LARS2: variants seen among roughly 807,000 people sequenced by gnomAD.
The protein encoded by LARS2 is leucine--tRNA ligase, mitochondrial.
A neutral mutation model predicts 116.6 loss-of-function variants in LARS2; 81 were observed. That is an observed-to-expected ratio of 0.69 (90% CI 0.58 to 0.84). The LOEUF (loss-of-function observed/expected upper bound fraction) is 0.84, where lower values mean the gene tolerates loss of function less well. LARS2 is among the 40% of genes least tolerant of loss of function. LARS2 has a pLI of 0.00. For missense variants in LARS2, 968 were observed against 1,114.5 expected, an observed-to-expected ratio of 0.87 and a Z score of 1.87; for synonymous variants, 396 against 407.2, an observed-to-expected ratio of 0.97 and a Z score of 0.33.
intron 21 of LARS2, among the ~76,000 whole-genome samples, chr3:45,546,583 A>G (rs1444476602): frequency 1.3e-5 from 2 of 152,192 alleles, no homozygotes; most frequent in Non-Finnish European, 2.9e-5. Flanking sequence ...TTTTCCTAAG[A>G]CTGTGACTAT....
At chr3:45,471,734 T>G (rs1209013124) in intron 8 of LARS2, among the ~76,000 whole-genome samples, 1 of 152,222 alleles carries the variant, frequency 6.6e-6, no homozygotes, top group African/African-American at 2.4e-5. Context: ...GCCTCATTGG[T>G]CTTTGGAGAG....
intron 14 of LARS2, 128 bp from the exon 15 acceptor site, chr3:45,500,314 T>A (rs754006090): frequency 1.6e-5 from 16 of 1,013,756 alleles, no homozygotes; most frequent in Non-Finnish European, 2.3e-5. Flanking sequence ...CTCTTATATT[T>A]TAAAAAAATC....
chr3:45,540,795 T>C (rs1700783116), intron 20 of LARS2, among the ~76,000 whole-genome samples: 1 of 151,604 alleles, frequency 6.6e-6, no homozygotes, highest in Admixed American at 6.6e-5. Flanking sequence ...TATCTATCTA[T>C]CTATCTATGA....
intron 4 of LARS2, among the ~76,000 whole-genome samples, chr3:45,410,149 T>G (rs1698306154): frequency 6.6e-6 from 1 of 152,094 alleles, no homozygotes; most frequent in Admixed American, 6.5e-5. Context: ...TAATTAAGTT[T>G]CCCCCCTTTC....
chr3:45,484,630 A>AAAAAAAAT (rs1553634443), intron 10 of LARS2, among the ~76,000 whole-genome samples: 3 of 9,746 alleles, frequency 3.1e-4, no homozygotes, highest in African/African-American at 3.5e-4. Context: ...AAAAAAAAAA[A>AAAAAAAAT]ATATATATAT....
chr3:45,547,238 C>G (rs1700888840), intron 21 of LARS2, 113 bp from the exon 22 acceptor site: 3 of 963,512 alleles, frequency 3.1e-6, no homozygotes, highest in Admixed American at 2.7e-5. Flanking sequence ...ACCTCTATTC[C>G]TTTCCCCTAA....
At chr3:45,507,078 A>G (rs1299751737) in intron 15 of LARS2, 1 of 152,052 alleles carries the variant, frequency 6.6e-6, no homozygotes, top group Non-Finnish European at 1.5e-5. Flanking sequence ...TTATCACACT[A>G]TAAAATAATA....
At chr3:45,523,927 A>C in intron 19 of LARS2, 70 bp from the exon 20 acceptor site, 6 of 1,138,668 alleles carry the variant, frequency 5.3e-6, no homozygotes, top group Non-Finnish European at 8.0e-6. Context: ...CTTCAGATAC[A>C]TTAATGGTCT....
chr3:45,540,946 C>T (rs187247380), intron 20 of LARS2, among the ~76,000 whole-genome samples: 11 of 152,136 alleles, frequency 7.2e-5, no homozygotes, highest in East Asian at 1.9e-4. Context: ...CCACCATGTC[C>T]GGCTAATTTT....
chr3:45,393,136 T>G (rs1040921154), intron 2 of LARS2, among the ~76,000 whole-genome samples: 6 of 152,342 alleles, frequency 3.9e-5, no homozygotes, highest in African/African-American at 1.4e-4. Context: ...CACAACTGGA[T>G]ATCCTGGTAG....
intron 15 of LARS2, among the ~76,000 whole-genome samples, chr3:45,504,578 A>G (rs1030557462): frequency 6.6e-6 from 1 of 152,004 alleles, no homozygotes; most frequent in Non-Finnish European, 1.5e-5. Flanking sequence ...TACTCCTCAC[A>G]TAAACAAATT....
intron 15 of LARS2, chr3:45,507,086 A>G (rs1700211112): frequency 1.3e-5 from 2 of 152,074 alleles, no homozygotes; most frequent in Non-Finnish European, 1.5e-5. Flanking sequence ...CTATAAAATA[A>G]TAAACATCTT....
intron 6 of LARS2, among the ~76,000 whole-genome samples, chr3:45,430,730 G>T (rs894670767): frequency 2.7e-5 from 4 of 147,690 alleles, no homozygotes; most frequent in Non-Finnish European, 6.0e-5. Context: ...GACTACAGGC[G>T]CCCGCCACCA....
At chr3:45,488,850 T>G (rs1277239031) in intron 12 of LARS2, 38 bp downstream of exon 12, 1 of 1,254,864 alleles carries the variant, frequency 8.0e-7, no homozygotes, top group Non-Finnish European at 1.2e-6. Context: ...ATGATCACCT[T>G]GATACGACTT....
chr3:45,392,164 G>A (rs1240546214), intron 2 of LARS2, among the ~76,000 whole-genome samples: 1 of 152,180 alleles, frequency 6.6e-6, no homozygotes, highest in Non-Finnish European at 1.5e-5. Flanking sequence ...TGCCTTAAGT[G>A]TACAAAGCGT....
At chr3:45,430,645 C>A (rs1698692946) in intron 6 of LARS2, among the ~76,000 whole-genome samples, 1 of 138,852 alleles carries the variant, frequency 7.2e-6, no homozygotes, top group Non-Finnish European at 1.5e-5. Flanking sequence ...AGTGCCGTGG[C>A]GCGATCTCAG....
chr3:45,461,413 A>G (rs751765438), intron 8 of LARS2, among the ~76,000 whole-genome samples: 41 of 152,000 alleles, frequency 2.7e-4, no homozygotes, highest in Admixed American at 5.9e-4. Flanking sequence ...TTGAAAAACT[A>G]AAAGGACACT....
At chr3:45,436,271 A>G (rs1698799384) in intron 6 of LARS2, among the ~76,000 whole-genome samples, 5 of 152,096 alleles carry the variant, frequency 3.3e-5, no homozygotes, top group Admixed American at 3.3e-4. Context: ...TCACAAAAAC[A>G]TCTTCCAGAT....
At chr3:45,424,961 C>A (rs1227876812) in intron 6 of LARS2, among the ~76,000 whole-genome samples, 1 of 152,156 alleles carries the variant, frequency 6.6e-6, no homozygotes, top group African/African-American at 2.4e-5. Context: ...ACCACTGATT[C>A]TATTTCTGTA....
Sources: gnomAD v4.1 joint callset for allele counts (sites outside exome capture counted in the v4.1 genomes callset) on GRCh38, gnomAD v4.1.1 for gene constraint, MANE v1.5 for transcripts, NCBI Gene and HGNC (gene_info 2026-07-23, HGNC 2026-07-21) for gene names.